Variants in ATP6V0A4 observed in about 807,000 individuals in gnomAD.
ATP6V0A4 encodes the protein V-type proton ATPase 116 kDa subunit a 4.
A neutral mutation model predicts 107.3 loss-of-function variants in ATP6V0A4; 86 were observed. The observed-to-expected ratio is 0.80, with a 90% CI of 0.67 to 0.96. The LOEUF is 0.96. ATP6V0A4 is among the 40% of genes least tolerant of loss of function. The pLI is 0.00. For synonymous variants in ATP6V0A4, 353 were observed against 381.4 expected (o/e 0.93, Z 0.87); for missense variants, 908 against 1,045.6 (o/e 0.87, Z 1.81).
chr7:138,758,328 A>C (rs1470196838), intron 8 of ATP6V0A4, among the ~76,000 whole-genome samples: 6 of 152,238 alleles, frequency 3.9e-5, no homozygotes, highest in Non-Finnish European at 8.8e-5. Context: ...GAAATAGTAC[A>C]AGAGGCAAAA....
rs10279589 is a variant in ATP6V0A4, at chr7:138,768,703, G to C, written c.291+77C>G. On this transcript the variant is annotated intron_variant, in intron 5 of 21. Coordinates refer to ENST00000310018, the MANE Select transcript of ATP6V0A4 (RefSeq NM_020632.3). ...AAGCAAACAGGTACGGAATCTGCAA[G>C]TGGCTCTCAGGGCCTTCAAGGAGAC... 5.1e-3 allele frequency: 7,835 copies of C among 1,545,246 alleles called. 346 individuals are homozygous for C. In the African/African-American group the frequency reaches 0.095, roughly 19 times the overall value.
intron 2 of ATP6V0A4, among the ~76,000 whole-genome samples, chr7:138,772,139 A>G (rs10262729): frequency 0.018 from 2,669 of 152,246 alleles, 87 homozygotes; most frequent in African/African-American, 0.06. Context: ...GGTATATCCA[A>G]CGTTAACGTG....
rs897446123 is a variant in ATP6V0A4 at position 138,706,414 on chromosome 7, T to C, written c.*210A>G. 1 of 591,792 alleles carries C rather than the reference T, an allele frequency of 1.7e-6. No homozygotes were observed. The highest frequency in any genetic ancestry group is 1.8e-5 in the African/African-American group (1 of 54,068). The allele number at this position is 591,792 out of a possible 1,614,324, so 36.7% of individuals were successfully genotyped here. On this transcript the variant is annotated 3_prime_UTR_variant, in exon 22 of 22. Transcript: ENST00000310018. Reference sequence around the variant, plus strand: ...ATTATTTGAGAATTAATACCCCACATGAAGACAATATCACTTGCCAAAGTC... The same window carrying C: ...ATTATTTGAGAATTAATACCCCACACGAAGACAATATCACTTGCCAAAGTC...
intron 14 of ATP6V0A4, among the ~76,000 whole-genome samples, chr7:138,741,695 C>A (rs1584916159): frequency 6.6e-6 from 1 of 152,320 alleles, no homozygotes; most frequent in African/African-American, 2.4e-5. Context: ...CTTTCTAATA[C>A]CCTCTTAATA....
chr7:138,777,634 ACACAC>A, intron 2 of ATP6V0A4, among the ~76,000 whole-genome samples: 2 of 91,728 alleles, frequency 2.2e-5, no homozygotes, highest in Non-Finnish European at 4.2e-5. Flanking sequence ...AAAAAAAAAT[ACACAC>A]ACACACACAC....
intron 16 of ATP6V0A4, 163 bp from the exon 17 acceptor site, chr7:138,733,256 G>T: frequency 4.6e-6 from 3 of 650,324 alleles, no homozygotes; most frequent in Non-Finnish European, 5.5e-6. Flanking sequence ...CAGCAATCCT[G>T]TATGGATGCA....
chr7:138,769,393 T>A, intron 3 of ATP6V0A4, 142 bp from the exon 4 acceptor site: 1 of 1,320,620 alleles, frequency 7.6e-7, no homozygotes, highest in Non-Finnish European at 1.0e-6. Context: ...CAGCTCACTG[T>A]AACCTCCACC....
intron 10 of ATP6V0A4, among the ~76,000 whole-genome samples, chr7:138,755,004 A>G (rs1181831144): frequency 6.6e-6 from 1 of 152,232 alleles, no homozygotes; most frequent in Non-Finnish European, 1.5e-5. Flanking sequence ...CAAGGGCTCA[A>G]TAGCCACATG....
chr7:138,744,470 T>G lies in ATP6V0A4; in HGVS notation c.1478+653A>C, dbSNP rs192466347. ...CCAGGCTGGTCTCGAACTCCTGAAC[T>G]CAAGTGATCCTCCCGCCTCGGCCTC... is the stretch of plus-strand genomic sequence containing the variant. On this transcript the variant is annotated intron_variant, in intron 14 of 21. Coordinates refer to ENST00000310018, the MANE Select transcript of ATP6V0A4 (RefSeq NM_020632.3). Among the ~76,000 whole-genome samples the G allele has an allele frequency of 5.9e-5, 9 of 152,050 alleles. No individual in the cohort carries two copies. The East Asian group carries it at 1.6e-3, about 26-fold the overall frequency.
intron 15 of ATP6V0A4, among the ~76,000 whole-genome samples, chr7:138,736,933 A>G (rs1805356088): frequency 6.6e-6 from 1 of 151,750 alleles, no homozygotes. Context: ...TAACGTGCTC[A>G]AACTCACAGA....
rs374305455 is a variant in ATP6V0A4, at chr7:138,706,632, C to T, written c.2515G>A (p.Glu839Lys). The T allele has an allele frequency of 2.0e-5, 33 of 1,613,920 alleles. No individual in the cohort carries two copies. In the African/African-American group the frequency reaches 2.5e-4, roughly 12 times the overall value. ...SFKHILDGTAEE is the reference protein window; with the variant it reads ...SFKHILDGTAKE ...GAGGTGCAGCCCTCAGCCTACTCCT[C>T]GGCTGTGCCATCCAGGATGTGTTTA... Residue 839 changes from glutamate to lysine, a missense_variant, in exon 22 of 22, where the codon GAG (glutamate) becomes AAG (lysine). Physicochemically the swap from Glu to Lys is moderately conservative, Grantham distance 56. Transcript: ENST00000310018.
At chr7:138,746,033 T>C (rs551770061) in intron 13 of ATP6V0A4, among the ~76,000 whole-genome samples, 11 of 141,992 alleles carry the variant, frequency 7.7e-5, no homozygotes, top group African/African-American at 2.9e-4. Context: ...AATATATATT[T>C]ATAATATATA....
At chr7:138,708,172 C>T (rs1478570165) in intron 21 of ATP6V0A4, among the ~76,000 whole-genome samples, 2 of 151,898 alleles carry the variant, frequency 1.3e-5, no homozygotes, top group African/African-American at 2.4e-5. Context: ...CTGCCTCAGC[C>T]CCTTGAGTAG....
At chr7:138,744,859 C>T (rs1805831327) in intron 14 of ATP6V0A4, among the ~76,000 whole-genome samples, 1 of 151,950 alleles carries the variant, frequency 6.6e-6, no homozygotes, top group Admixed American at 6.5e-5. Context: ...CCTGCCACCA[C>T]ATCTGGCTAA....
At chr7:138,712,082 G>A (rs1402400261) in intron 20 of ATP6V0A4, among the ~76,000 whole-genome samples, 1 of 152,150 alleles carries the variant, frequency 6.6e-6, no homozygotes, top group African/African-American at 2.4e-5. Flanking sequence ...ACAGGCGTGT[G>A]CCACCACACC....
chr7:138,722,852 A>G (rs1804497868), intron 18 of ATP6V0A4, among the ~76,000 whole-genome samples: 1 of 151,192 alleles, frequency 6.6e-6, no homozygotes, highest in Non-Finnish European at 1.5e-5. Flanking sequence ...TGAGGCCAAG[A>G]GTTCAAGACC....
At chr7:138,726,781 G>A (rs1429579382) in intron 18 of ATP6V0A4, among the ~76,000 whole-genome samples, 5 of 152,042 alleles carry the variant, frequency 3.3e-5, no homozygotes, top group African/African-American at 7.2e-5. Context: ...AGGCCTCCAC[G>A]CCGTCTTCAG....
In ATP6V0A4 at chr7:138,737,115, A is replaced by ATATATATATATATATAT. The variant is rs540225443; in HGVS notation, c.1572+2424_1572+2425insATATATATATATATATA. Among the ~76,000 whole-genome samples, 153 of 86,556 alleles carry ATATATATATATATATAT rather than the reference A, an allele frequency of 1.8e-3. 9 individuals carry two copies. Among genetic ancestry groups the ATATATATATATATATAT allele is most frequent in the East Asian group, 2.9e-3 (4 of 1,370 alleles). The allele number at this position is 86,556 out of a possible 152,430, so 56.8% of individuals were successfully genotyped here. A position where few individuals can be genotyped will look rare whatever the true frequency, so the allele number is the denominator to read the frequency against. ...GTTATGTAAAAAGTAAGCCCTTATT[A>ATATATATATATATATAT]ATATATATATATGATACAAACTAAC... On this transcript the variant is annotated intron_variant, in intron 15 of 21. Transcript: ENST00000310018.
chr7:138,749,905 C>A (rs1426114470), intron 11 of ATP6V0A4, among the ~76,000 whole-genome samples: 2 of 152,130 alleles, frequency 1.3e-5, no homozygotes, highest in African/African-American at 4.8e-5. Context: ...TGCTAGTTCT[C>A]CTTTCGGAAT....
Sources: allele counts gnomAD v4.1 joint callset (sites outside exome capture counted in the v4.1 genomes callset), GRCh38; gene constraint gnomAD v4.1.1; transcripts MANE v1.5; gene names NCBI Gene and HGNC (gene_info 2026-07-23, HGNC 2026-07-21).